Variants in HECW2 observed in about 807,000 individuals in gnomAD.
HECW2 encodes E3 ubiquitin-protein ligase HECW2.
Under a neutral mutation model 175.2 loss-of-function variants are expected in HECW2, and 61 were observed. The observed-to-expected ratio is 0.35, with a 90% CI of 0.28 to 0.43. HECW2 has a LOEUF of 0.43. Ranked by LOEUF, HECW2 falls within the 20% of genes least tolerant of loss-of-function variation. The pLI is 1.00. For missense variants in HECW2, 1,524 were observed against 2,000.5 expected (o/e 0.76, Z 4.54); for synonymous variants, 671 against 731.0 (o/e 0.92, Z 1.32).
chr2:196,520,056 T>A (rs1688299511), intron 1 of HECW2, among the ~76,000 whole-genome samples: 1 of 152,208 alleles, frequency 6.6e-6, no homozygotes. Context: ...CTAAATGCAA[T>A]GTGGTATTTT....
At chr2:196,495,682 C>T (rs949997724) in intron 1 of HECW2, among the ~76,000 whole-genome samples, 3 of 152,176 alleles carry the variant, frequency 2.0e-5, no homozygotes, top group Non-Finnish European at 2.9e-5. Flanking sequence ...AGGACTCTGA[C>T]ACTCACTAGC....
intron 1 of HECW2, among the ~76,000 whole-genome samples, chr2:196,547,342 G>T (rs1396895658): frequency 6.6e-6 from 1 of 152,184 alleles, no homozygotes; most frequent in Non-Finnish European, 1.5e-5. Context: ...GATTCTGGCT[G>T]TCCAAGGCCA....
Position 196,274,073 on chromosome 2 carries a change from G to A in HECW2, c.3186C>T (p.Ser1062=), listed in dbSNP as rs201294412. 375 of 1,614,012 alleles carry A rather than the reference G, an allele frequency of 2.3e-4. No homozygotes were observed. Among genetic ancestry groups the A allele is most frequent in the Non-Finnish European group, 2.9e-4 (347 of 1,179,984 alleles). ...HAGPPVLPRP[S]STFNTVSRPQ... ...GCCTACTGACTGTATTGAATGTACT[G>A]GATGGCCTGGGAAGAACTGGTGGTC... Residue 1062 remains serine (S), a synonymous_variant, in exon 16 of 29, where the codon TCC becomes TCT. Coordinates refer to ENST00000644978, the MANE Select transcript of HECW2 (RefSeq NM_001348768.2).
At chr2:196,214,816 A>G (rs926293854) in intron 28 of HECW2, among the ~76,000 whole-genome samples, 1 of 152,226 alleles carries the variant, frequency 6.6e-6, no homozygotes, top group African/African-American at 2.4e-5. Context: ...CTAAGAAGAA[A>G]GCTTTGATAA....
At chr2:196,371,645 T>C (rs1241219028) in intron 2 of HECW2, among the ~76,000 whole-genome samples, 2 of 152,202 alleles carry the variant, frequency 1.3e-5, no homozygotes, top group South Asian at 4.1e-4. Flanking sequence ...ACTCATATTT[T>C]ATAGATCTTG....
intron 14 of HECW2, chr2:196,291,923 T>C (rs1690617548): frequency 1.3e-5 from 2 of 152,250 alleles, no homozygotes; most frequent in African/African-American, 4.8e-5. Flanking sequence ...ATTTTCTCAT[T>C]CTGATTTCTT....
intron 1 of HECW2, among the ~76,000 whole-genome samples, chr2:196,458,312 T>C (rs1006917045): frequency 6.6e-6 from 1 of 152,080 alleles, no homozygotes; most frequent in African/African-American, 2.4e-5. Context: ...ACTATCTCTT[T>C]CCTGTGCACT....
chr2:196,297,312 AC>A (rs1474678697), intron 13 of HECW2, among the ~76,000 whole-genome samples: 1 of 152,222 alleles, frequency 6.6e-6, no homozygotes, highest in East Asian at 1.9e-4. Flanking sequence ...AGAAATAAGC[AC>A]TTGATGGTTG....
chr2:196,552,203 A>G (rs952933990), intron 1 of HECW2, among the ~76,000 whole-genome samples: 8 of 152,212 alleles, frequency 5.3e-5, no homozygotes, highest in African/African-American at 9.6e-5. Context: ...TACCAGGGAG[A>G]GATATTTAAG....
intron 1 of HECW2, among the ~76,000 whole-genome samples, chr2:196,440,027 G>C (rs1034962318): frequency 6.6e-6 from 1 of 152,168 alleles, no homozygotes; most frequent in African/African-American, 2.4e-5. Context: ...TTCAATCTAA[G>C]TGACAACAGA....
At position 196,305,073 on chromosome 2, in the gene HECW2, C is replaced by T. The variant is rs56201337; in HGVS notation, c.2814+1415G>A. Reference sequence around the variant, plus strand: ...CATGTGCCTTCCCTTTGGAGTTAATCGTCCACTCCAGCAGTGTATCTTCTA... The same window carrying T: ...CATGTGCCTTCCCTTTGGAGTTAATTGTCCACTCCAGCAGTGTATCTTCTA... On this transcript the variant is annotated intron_variant, in intron 13 of 28. Coordinates refer to ENST00000644978, the MANE Select transcript of HECW2 (RefSeq NM_001348768.2). Among the ~76,000 whole-genome samples the T allele has an allele frequency of 3.6e-3, 542 of 152,278 alleles. 3 individuals are homozygous for T. Among genetic ancestry groups the T allele is most frequent in the African/African-American group, 0.012 (507 of 41,554 alleles).
intron 19 of HECW2, among the ~76,000 whole-genome samples, chr2:196,244,150 T>C (rs1688563466): frequency 6.6e-6 from 1 of 152,196 alleles, no homozygotes; most frequent in Admixed American, 6.5e-5. Flanking sequence ...GAATACTATG[T>C]TAGGTTCACC....
chr2:196,332,082 T>C (rs1692382402), intron 4 of HECW2, among the ~76,000 whole-genome samples: 2 of 152,124 alleles, frequency 1.3e-5, no homozygotes, highest in Non-Finnish European at 2.9e-5. Flanking sequence ...AAAATACAAA[T>C]GACAGAGAGG....
chr2:196,389,857 G>A (rs1452353181), intron 2 of HECW2, among the ~76,000 whole-genome samples: 1 of 151,910 alleles, frequency 6.6e-6, no homozygotes, highest in East Asian at 1.9e-4. Flanking sequence ...TGTGGCCCTG[G>A]GGACCACAGA....
chr2:196,591,412 C>A (rs1397279528), intron 1 of HECW2, among the ~76,000 whole-genome samples: 2 of 152,126 alleles, frequency 1.3e-5, no homozygotes, highest in African/African-American at 4.8e-5. Context: ...TGATTTTCCC[C>A]CAGAAGCAGC....
chr2:196,379,705 A>G (rs1477224250), intron 2 of HECW2, among the ~76,000 whole-genome samples: 1 of 14,066 alleles, frequency 7.1e-5, no homozygotes, highest in Non-Finnish European at 7.1e-4. Context: ...AAAAAAAAAC[A>G]AAAAGATTAT....
Position 196,433,219 on chromosome 2 carries a change from T to C in HECW2, c.205A>G (p.Thr69Ala). 6.2e-7 allele frequency: 1 copy of C among 1,614,156 alleles called. No homozygotes were observed. Among genetic ancestry groups the C allele is most frequent in the Non-Finnish European group, 8.5e-7 (1 of 1,180,006 alleles). The change falls in exon 2 of 29, where the codon ACG becomes GCG. Residue 69 changes from threonine to alanine, a missense_variant. By Grantham distance (58) the Thr-to-Ala change is moderately conservative. This residue lies in a region of HECW2 where 135 missense variants were observed against 214.6 expected (regional missense o/e 0.63). Coordinates refer to ENST00000644978, the MANE Select transcript of HECW2 (RefSeq NM_001348768.2). Reference protein sequence around the residue: ...SSLTASMYEYTLGQAQNLIIF... With the variant: ...SSLTASMYEYALGQAQNLIIF... ...ATGAGGTTCTGGGCTTGCCCCAGCG[T>C]GTACTCGTACATGCTGGCAGTTAAG...
chr2:196,207,518 G>A (rs1193240142), intron 28 of HECW2, among the ~76,000 whole-genome samples: 2 of 152,194 alleles, frequency 1.3e-5, no homozygotes, highest in Admixed American at 6.5e-5. Context: ...ACTTATGGCA[G>A]CAGAGCACAA....
At chr2:196,342,977 T>C (rs951034692) in intron 3 of HECW2, among the ~76,000 whole-genome samples, 4 of 151,040 alleles carry the variant, frequency 2.6e-5, no homozygotes, top group African/African-American at 9.7e-5. Flanking sequence ...ATTATGTATA[T>C]GTAAAATATA....
Sources: gnomAD v4.1 joint callset for allele counts (sites outside exome capture counted in the v4.1 genomes callset) on GRCh38, gnomAD v4.1.1 for gene constraint, gnomAD v4.1.1 regional missense constraint, MANE v1.5 for transcripts, NCBI Gene and HGNC (gene_info 2026-07-23, HGNC 2026-07-21) for gene names.